The following ACSL3 variants were observed in gnomAD, a reference collection of about 807,000 sequenced individuals.
ACSL3 encodes the protein acyl-CoA synthetase long chain family member 3.
In ACSL3, 34 loss-of-function variants were observed where a neutral mutation model predicts 84.7. The observed-to-expected ratio is 0.40, with a 90% CI of 0.31 to 0.53. ACSL3 has a LOEUF of 0.53. ACSL3 is among the 20% of genes least tolerant of loss of function. ACSL3 has a pLI of 0.48. For missense variants in ACSL3, 680 were observed against 873.1 expected (o/e 0.78, Z 2.79); for synonymous variants, 315 against 299.4 (o/e 1.05, Z -0.54).
At chr2:222,914,200 G>C (rs540199429) in intron 4 of ACSL3, among the ~76,000 whole-genome samples, 2 of 151,586 alleles carry the variant, frequency 1.3e-5, no homozygotes, top group East Asian at 3.9e-4. Context: ...CCACCTGTAA[G>C]TAGAGAGAAG....
chr2:222,937,448 A>G (rs756039639), intron 16 of ACSL3, among the ~76,000 whole-genome samples: 10 of 151,998 alleles, frequency 6.6e-5, no homozygotes, highest in Non-Finnish European at 1.0e-4. Context: ...TTCTTCCCCT[A>G]GTTATGTCAG....
At chr2:222,939,747 AGT>A (rs1202519989) in intron 16 of ACSL3, among the ~76,000 whole-genome samples, 1 of 152,062 alleles carries the variant, frequency 6.6e-6, no homozygotes, top group Non-Finnish European at 1.5e-5. Context: ...GAACTTCTTA[AGT>A]GGTTTCTGGG....
intron 2 of ACSL3, among the ~76,000 whole-genome samples, chr2:222,894,974 T>C (rs1019225860): frequency 1.3e-5 from 2 of 152,126 alleles, no homozygotes; most frequent in African/African-American, 4.8e-5. Context: ...ATCTTCAGAC[T>C]ATGTTACTAC....
intron 11 of ACSL3, among the ~76,000 whole-genome samples, chr2:222,925,934 A>AT (rs1008604452): frequency 1.3e-5 from 2 of 152,204 alleles, no homozygotes; most frequent in South Asian, 2.1e-4. Context: ...CATTCAAAGT[A>AT]TTTTTTATGG....
chr2:222,929,018 A>G, intron 13 of ACSL3, 82 bp downstream of exon 13: 1 of 1,151,144 alleles, frequency 8.7e-7, no homozygotes, highest in Non-Finnish European at 1.3e-6. Context: ...TTGCTTTAGA[A>G]TGTAAACACC....
intron 13 of ACSL3, 146 bp from the exon 14 acceptor site, chr2:222,930,475 A>C (rs1696998967): frequency 1.7e-6 from 1 of 582,496 alleles, no homozygotes; most frequent in Non-Finnish European, 2.8e-6. Context: ...TTAAATTGAT[A>C]AACTTTGTTC....
intron 1 of ACSL3, chr2:222,861,606 C>A (rs12468021): frequency 0.025 from 3,823 of 152,282 alleles, 52 homozygotes; most frequent in African/African-American, 0.028. Flanking sequence ...GGGAGGCCAC[C>A]CCCTTGAATT....
intron 1 of ACSL3, among the ~76,000 whole-genome samples, chr2:222,864,816 G>T (rs1282506943): frequency 6.6e-6 from 1 of 152,204 alleles, no homozygotes; most frequent in African/African-American, 2.4e-5. Context: ...ACTGAGGCCT[G>T]TGTCTTTGCT....
chr2:222,880,625 A>G (rs1234642065), intron 1 of ACSL3, among the ~76,000 whole-genome samples: 5 of 151,938 alleles, frequency 3.3e-5, no homozygotes, highest in Admixed American at 1.3e-4. Flanking sequence ...TCAGGAGATC[A>G]AGACCATCCT....
At chr2:222,917,161 G>A (rs1696606657) in intron 5 of ACSL3, among the ~76,000 whole-genome samples, 1 of 152,068 alleles carries the variant, frequency 6.6e-6, no homozygotes, top group Non-Finnish European at 1.5e-5. Flanking sequence ...ACAGTCTCAG[G>A]TTACTGCAGC....
chr2:222,862,647 A>T (rs1480290835), intron 1 of ACSL3, among the ~76,000 whole-genome samples: 1 of 152,146 alleles, frequency 6.6e-6, no homozygotes, highest in South Asian at 2.1e-4. Flanking sequence ...CTTGGGGATG[A>T]GTAAGCCTTC....
rs755506459 is a variant in ACSL3, at chr2:222,919,206, T to C, written c.805+4T>C. 1.2e-6 allele frequency: 2 copies of C among 1,613,578 alleles called. No homozygotes were observed. Among genetic ancestry groups the C allele is most frequent in the Non-Finnish European group, 1.7e-6 (2 of 1,179,846 alleles). ...CTGGGAGCCAAGGCCAGCATGGGTA[T>C]GTTACACTTTTCTAATTCCTTACCT... On this transcript the variant is annotated splice_donor_region_variant and intron_variant, in intron 7 of 16. Transcript: ENST00000357430.
chr2:222,908,586 C>T, intron 3 of ACSL3, 147 bp from the exon 4 acceptor site: 1 of 536,662 alleles, frequency 1.9e-6, no homozygotes, highest in Non-Finnish European at 3.2e-6. Flanking sequence ...ACAAATGAGT[C>T]TCTTAGAAAT....
intron 2 of ACSL3, among the ~76,000 whole-genome samples, chr2:222,896,739 CG>C (rs1695992907): frequency 3.5e-5 from 1 of 28,180 alleles, no homozygotes; most frequent in African/African-American, 1.9e-4. Context: ...GGCGGCTGGC[CG>C]GGCAGAGGGG....
chr2:222,934,794 C>A, intron 16 of ACSL3, 107 bp downstream of exon 16: 2 of 1,209,708 alleles, frequency 1.7e-6, no homozygotes, highest in Non-Finnish European at 1.1e-6. Flanking sequence ...GCTCAGAAAC[C>A]ATTTCTACCG....
intron 10 of ACSL3, among the ~76,000 whole-genome samples, chr2:222,924,164 A>G (rs1696814181): frequency 6.6e-6 from 1 of 152,248 alleles, no homozygotes; most frequent in Non-Finnish European, 1.5e-5. Context: ...TATAAAGAAT[A>G]TCTTACAATT....
intron 16 of ACSL3, 122 bp downstream of exon 16, chr2:222,934,809 T>G: frequency 9.6e-7 from 1 of 1,041,212 alleles, no homozygotes; most frequent in Admixed American, 3.3e-5. Flanking sequence ...CTACCGTTAG[T>G]ATATGGAAGA....
chr2:222,883,182 C>CT (rs1695634859), intron 1 of ACSL3, among the ~76,000 whole-genome samples: 1 of 110,966 alleles, frequency 9.0e-6, no homozygotes. Flanking sequence ...TTTTTTTTTT[C>CT]TTTTTTTCTT....
intron 12 of ACSL3, among the ~76,000 whole-genome samples, chr2:222,928,028 C>G (rs1228446941): frequency 6.6e-6 from 1 of 152,142 alleles, no homozygotes; most frequent in Non-Finnish European, 1.5e-5. Context: ...TTAATTTCTT[C>G]TATTTTTAAG....
Sources: allele counts gnomAD v4.1 joint callset (sites outside exome capture counted in the v4.1 genomes callset), GRCh38; gene constraint gnomAD v4.1.1; transcripts MANE v1.5; gene names NCBI Gene and HGNC (gene_info 2026-07-23, HGNC 2026-07-21).